The following GCNT4 variants were observed in gnomAD, a reference collection of about 807,000 sequenced individuals.
GCNT4 encodes beta-1,3-galactosyl-O-glycosyl-glycoprotein beta-1,6-N-acetylglucosaminyltransferase 4.
GCNT4 carries 17 observed loss-of-function variants against 31.3 expected under a neutral mutation model. The ratio of observed to expected loss-of-function variants is 0.54; its 90% CI spans 0.37 to 0.81. The LOEUF is 0.81. Ranked by LOEUF, GCNT4 falls within the 40% of genes least tolerant of loss-of-function variation. GCNT4 has a pLI of 0.00. For missense variants in GCNT4, 503 were observed against 525.5 expected, an observed-to-expected ratio of 0.96 and a Z score of 0.42; for synonymous variants, 158 against 190.6, an observed-to-expected ratio of 0.83 and a Z score of 1.41.
At chr5:75,032,177 C>G (rs1194404725) in intron 3 of GCNT4, among the ~76,000 whole-genome samples, 2 of 152,192 alleles carry the variant, frequency 1.3e-5, no homozygotes, top group Admixed American at 6.5e-5. Flanking sequence ...CGTCTCTCCT[C>G]TGTGGACTGC....
At chr5:75,047,195 T>C (rs1743461194) in intron 3 of GCNT4, among the ~76,000 whole-genome samples, 1 of 152,196 alleles carries the variant, frequency 6.6e-6, no homozygotes, top group African/African-American at 2.4e-5. Flanking sequence ...TAAATTTGTG[T>C]GCTTGTCTCC....
Position 75,028,680 on chromosome 5 carries a change from GA to G in GCNT4, c.1357del (p.Ser453HisfsTer38). ...ATTTCCATCCTGATTTTACTATCATGATGTGGTAGTGAGATTTCTATCCATA... is the reference window on the plus strand; with the variant it reads ...ATTTCCATCCTGATTTTACTATCATGTGTGGTAGTGAGATTTCTATCCATA... Reference protein sequence around the residue: ...LFMDRNLTTTS With the variant: ...LFMDRNLTTTX On this transcript the variant is annotated frameshift_variant, in exon 4 of 4. Coordinates refer to ENST00000652361, the MANE Select transcript of GCNT4 (RefSeq NM_001366737.1). LOFTEE classifies it high-confidence loss of function. 6.2e-7 allele frequency: 1 copy of G among 1,609,046 alleles called. No individual in the cohort carries two copies. Among genetic ancestry groups the G allele is most frequent in the African/African-American group, 1.3e-5 (1 of 74,752 alleles).
chr5:75,043,413 T>TCA (rs1561377554), intron 3 of GCNT4, among the ~76,000 whole-genome samples: 1 of 152,226 alleles, frequency 6.6e-6, no homozygotes, highest in Non-Finnish European at 1.5e-5. Context: ...TTGTTGGTGG[T>TCA]AGAAACATGT....
At chr5:75,018,417 G>A in the GCNT4 span, among the ~76,000 whole-genome samples, 1 of 152,136 alleles carries the variant, frequency 6.6e-6, no homozygotes. Flanking sequence ...GAGTAGCTGT[G>A]ATTACAGGCT....
intron 3 of GCNT4, among the ~76,000 whole-genome samples, chr5:75,039,043 A>G (rs1218527092): frequency 6.6e-6 from 1 of 151,990 alleles, no homozygotes; most frequent in Non-Finnish European, 1.5e-5. Context: ...ATGCTAAGAG[A>G]TAGCACTATT....
Position 75,029,989 on chromosome 5 carries a change from A to C in GCNT4, c.49T>G (p.Phe17Val). The change falls in exon 4 of 4, where the codon TTC becomes GTC. Residue 17 changes from phenylalanine (F) to valine (V), a missense_variant. Transcript: ENST00000652361. ...YFKHTLQQKV[F>V]ILFLTLWLLS... is the part of the protein sequence containing the mutation. ...AGCCATAGGGTTAAAAACAGGATGA[A>C]AACTTTCTGCTGTAGGGTATGTTTA... The C allele has an allele frequency of 6.2e-7, 1 of 1,612,068 alleles. No homozygotes were observed. Among genetic ancestry groups the C allele is most frequent in the Non-Finnish European group, 8.5e-7 (1 of 1,179,484 alleles).
chr5:75,029,582 A>G lies in GCNT4; in HGVS notation c.456T>C (p.Ala152=), dbSNP rs766195463. The part of the protein sequence containing the change: ...DAIMVERLIH[A]IYNQHNIYCI... ...AGTAAATATTGTGCTGGTTGTATATAGCATGGATAAGCCTTTCAACCATAA... is the reference window on the plus strand; with the variant it reads ...AGTAAATATTGTGCTGGTTGTATATGGCATGGATAAGCCTTTCAACCATAA... Residue 152 remains alanine (A), a synonymous_variant, in exon 4 of 4, where the codon GCT becomes GCC. Transcript: ENST00000652361. The G allele has an allele frequency of 1.5e-5, 25 of 1,614,184 alleles. No homozygotes were observed. The highest frequency in any genetic ancestry group is 3.3e-5 in the South Asian group (3 of 91,082).
At chr5:75,041,232 A>C (rs1743310043) in intron 3 of GCNT4, among the ~76,000 whole-genome samples, 2 of 152,360 alleles carry the variant, frequency 1.3e-5, no homozygotes, top group African/African-American at 4.8e-5. Flanking sequence ...ATTCTGCAGC[A>C]ATGTGAATAC....
chr5:75,033,329 T>A (rs1480616131), intron 3 of GCNT4, among the ~76,000 whole-genome samples: 2 of 152,116 alleles, frequency 1.3e-5, no homozygotes, highest in East Asian at 3.9e-4. Flanking sequence ...CATGGTTGCC[T>A]GCCCAGACAT....
chr5:75,047,212 T>C (rs1743461613), intron 3 of GCNT4, among the ~76,000 whole-genome samples: 1 of 152,246 alleles, frequency 6.6e-6, no homozygotes, highest in Admixed American at 6.5e-5. Context: ...CTCCTGTTGA[T>C]ATTTCTTAAG....
At position 75,027,567 on chromosome 5, in the gene GCNT4, G is replaced by C. The variant is rs1742975926; in HGVS notation, c.*1109C>G. The C allele has an allele frequency of 6.6e-6, 1 of 151,748 alleles. No homozygotes were observed. Among genetic ancestry groups the C allele is most frequent in the South Asian group, 2.1e-4 (1 of 4,812 alleles). The allele number at this position is 151,748 out of a possible 1,614,324, so 9.4% of individuals were successfully genotyped here. ...GCTTTTTTCTCTCTGGAACTAAGCT[G>C]AGAAAAAGACTGCAAGAAACTTAGA... On this transcript the variant is annotated 3_prime_UTR_variant, in exon 4 of 4. Transcript: ENST00000652361.
chr5:75,029,082 G>A lies in GCNT4; in HGVS notation c.956C>T (p.Ser319Phe), dbSNP rs143903103. 5 of 1,614,016 alleles carry A rather than the reference G, an allele frequency of 3.1e-6. No individual in the cohort carries two copies. The highest frequency in any genetic ancestry group is 1.6e-4 in the Middle Eastern group (1 of 6,084). Residue 319 changes from serine (S) to phenylalanine (F), a missense_variant, in exon 4 of 4, where the codon TCC becomes TTC. By Grantham distance (155) the Ser-to-Phe change is radical. Coordinates refer to ENST00000652361, the MANE Select transcript of GCNT4 (RefSeq NM_001366737.1). ...CCAGGCAAAAAAGTCTTGAACGATG[G>A]AGTTGTTGAAAATATATTTAACAAA... ...QAFVKYIFNN[S>F]IVQDFFAWSK...
chr5:75,032,901 GTGTGTGTGT>G (rs1743101916), intron 3 of GCNT4, among the ~76,000 whole-genome samples: 1 of 112,856 alleles, frequency 8.9e-6, no homozygotes, highest in Non-Finnish European at 2.1e-5. Context: ...GTGTGTGTGT[GTGTGTGTGT>G]GTGTGTGTGT....
In GCNT4 at chr5:75,029,732, A is replaced by G; in HGVS notation, c.306T>C (p.Asp102=). Residue 102 remains aspartate, a synonymous_variant, in exon 4 of 4, where the codon GAT becomes GAC. Coordinates refer to ENST00000652361, the MANE Select transcript of GCNT4 (RefSeq NM_001366737.1). ...CACAATCACTGGTCATTGCCACAAC[A>G]TCATCATCCTCCAAGTCAATGATGT... ...RRDIIDLEDD[D]VVAMTSDCDI... 1.2e-6 allele frequency: 2 copies of G among 1,614,112 alleles called. No homozygotes were observed. The highest frequency in any genetic ancestry group is 1.7e-6 in the Non-Finnish European group (2 of 1,180,008).
rs1580235091 is a variant in GCNT4, at chr5:75,029,043, T to A, written c.995A>T (p.Tyr332Phe). The change falls in exon 4 of 4, where the codon TAC (tyrosine) becomes TTC (phenylalanine). Residue 332 changes from tyrosine (Y) to phenylalanine (F), a missense_variant. Transcript: ENST00000652361. ...AGCCCAAAAGTGCTCATCAGGAGAGTATGTGTCTTTAGACCAGGCAAAAAA... is the reference window on the plus strand; with the variant it reads ...AGCCCAAAAGTGCTCATCAGGAGAGAATGTGTCTTTAGACCAGGCAAAAAA... ...QDFFAWSKDT[Y>F]SPDEHFWATL... is the part of the protein sequence containing the mutation. 2 of 1,613,976 alleles carry A rather than the reference T, an allele frequency of 1.2e-6. No homozygotes were observed. Among genetic ancestry groups the A allele is most frequent in the African/African-American group, 2.7e-5 (2 of 74,994 alleles).
rs951255379 is a variant in GCNT4, at chr5:75,028,018, C to G, written c.*658G>C. ...CCTGTCCCAACCCACATCCTCACCC[C>G]CTTCCTTAACTTTCATACATTATAA... On this transcript the variant is annotated 3_prime_UTR_variant, in exon 4 of 4. Transcript: ENST00000652361. The G allele has an allele frequency of 4.1e-5, 6 of 147,218 alleles. No individual in the cohort carries two copies. The highest frequency in any genetic ancestry group is 1.1e-4 in the African/African-American group (4 of 36,430). The allele number at this position is 147,218 out of a possible 1,614,324, so 9.1% of individuals were successfully genotyped here. A position where few individuals can be genotyped will look rare whatever the true frequency, so the allele number is the denominator to read the frequency against.
chr5:75,033,966 T>C (rs1743140510), intron 3 of GCNT4, among the ~76,000 whole-genome samples: 1 of 152,210 alleles, frequency 6.6e-6, no homozygotes, highest in African/African-American at 2.4e-5. Context: ...GTTAGTTTGC[T>C]GAGAATGATG....
At chr5:75,039,023 C>A (rs1743260373) in intron 3 of GCNT4, among the ~76,000 whole-genome samples, 1 of 152,156 alleles carries the variant, frequency 6.6e-6, no homozygotes, top group Admixed American at 6.5e-5. Context: ...CTGTCCCTTC[C>A]TAATGATCGA....
rs541840552 is a variant in GCNT4, at chr5:75,043,112, T to A, written c.-2+4785A>T. Among the ~76,000 whole-genome samples the A allele has an allele frequency of 9.2e-5, 14 of 152,354 alleles. No homozygotes were observed. The East Asian group carries it at 2.7e-3, about 29-fold the overall frequency. ...AATTAAGTTAACAGGTCTTTCTCAA[T>A]ACGTAGGTTTTATTTCAGGTTAATA... On this transcript the variant is annotated intron_variant, in intron 3 of 3. Coordinates refer to ENST00000652361, the MANE Select transcript of GCNT4 (RefSeq NM_001366737.1).
Sources: gnomAD v4.1 joint callset for allele counts (sites outside exome capture counted in the v4.1 genomes callset) on GRCh38, gnomAD v4.1.1 for gene constraint, MANE v1.5 for transcripts, NCBI Gene and HGNC (gene_info 2026-07-23, HGNC 2026-07-21) for gene names.